The following ABCD3 variants were observed in gnomAD, a reference collection of about 807,000 sequenced individuals.
ABCD3 encodes the protein ATP-binding cassette sub-family D member 3.
ABCD3 carries 41 observed loss-of-function variants against 105.5 expected under a neutral mutation model. The observed-to-expected ratio is 0.39, with a 90% CI of 0.30 to 0.50. The LOEUF is 0.50. ABCD3 is among the 20% of genes least tolerant of loss of function. ABCD3 has a pLI of 0.84. For synonymous variants in ABCD3, 258 were observed against 269.0 expected, an observed-to-expected ratio of 0.96 and a Z score of 0.40; for missense variants, 622 against 806.3, an observed-to-expected ratio of 0.77 and a Z score of 2.77.
chr1:94,483,008 C>G, intron 9 of ABCD3, 162 bp from the exon 10 acceptor site: 1 of 628,442 alleles, frequency 1.6e-6, no homozygotes, highest in Non-Finnish European at 2.9e-6. Context: ...GAGCTAGGAA[C>G]AGAATCTCAG....
chr1:94,392,460 A>G, the ABCD3 span, among the ~76,000 whole-genome samples: 1 of 152,182 alleles, frequency 6.6e-6, no homozygotes, highest in African/African-American at 2.4e-5. Context: ...GTTGTTTATT[A>G]CTGCAGCACA....
chr1:94,500,418 G>A (rs1394055164), intron 20 of ABCD3, among the ~76,000 whole-genome samples: 2 of 152,056 alleles, frequency 1.3e-5, no homozygotes, highest in African/African-American at 4.8e-5. Flanking sequence ...TCCAGGCTGG[G>A]CGATAGAAGG....
chr1:94,478,256 C>T lies in ABCD3; in HGVS notation c.628-3C>T, dbSNP rs1570797341. 1.3e-6 allele frequency: 2 copies of T among 1,560,368 alleles called. No homozygotes were observed. The highest frequency in any genetic ancestry group is 8.8e-7 in the Non-Finnish European group (1 of 1,133,460). On this transcript the variant is annotated splice_region_variant and splice_polypyrimidine_tract_variant and intron_variant, in intron 7 of 22. Transcript: ENST00000370214. ...TCTGTGTATTCTAATATTTATTTTA[C>T]AGCCATTTTTAGACATAGTTTTGTA... is the stretch of plus-strand genomic sequence containing the variant.
At chr1:94,431,794 C>T (rs1270254674) in intron 1 of ABCD3, among the ~76,000 whole-genome samples, 1 of 152,108 alleles carries the variant, frequency 6.6e-6, no homozygotes, top group Non-Finnish European at 1.5e-5. Flanking sequence ...ACCACCATGC[C>T]TGGACTAAAA....
chr1:94,425,483 CT>C (rs1659434901), intron 1 of ABCD3, among the ~76,000 whole-genome samples: 2 of 152,142 alleles, frequency 1.3e-5, no homozygotes, highest in Non-Finnish European at 2.9e-5. Context: ...ATGGATTATA[CT>C]GGTGTATTTT....
chr1:94,465,175 C>T (rs1399143895), intron 3 of ABCD3, among the ~76,000 whole-genome samples: 1 of 152,122 alleles, frequency 6.6e-6, no homozygotes, highest in African/African-American at 2.4e-5. Flanking sequence ...AGGACAGCAC[C>T]ATGCCATGAG....
At chr1:94,489,618 A>G in intron 13 of ABCD3, 107 bp from the exon 14 acceptor site, 2 of 785,172 alleles carry the variant, frequency 2.5e-6, no homozygotes, top group African/African-American at 1.7e-5. Context: ...CTGTTAGGTT[A>G]CTTCATTTAT....
chr1:94,516,366 G>C (rs1310270086), intron 22 of ABCD3, among the ~76,000 whole-genome samples: 1 of 151,858 alleles, frequency 6.6e-6, no homozygotes, highest in Admixed American at 6.6e-5. Flanking sequence ...ATTATAACTT[G>C]TCAATTTTTC....
At chr1:94,411,754 A>G in the ABCD3 span, among the ~76,000 whole-genome samples, 21 of 152,340 alleles carry the variant, frequency 1.4e-4, 1 homozygote, top group East Asian at 3.9e-3. Flanking sequence ...AATGTGCATC[A>G]GCTGATGAAT....
chr1:94,439,687 T>A (rs541620293), intron 1 of ABCD3, among the ~76,000 whole-genome samples: 5 of 152,244 alleles, frequency 3.3e-5, no homozygotes, highest in Non-Finnish European at 7.3e-5. Flanking sequence ...TGTATATAAT[T>A]TGTATATTTA....
At chr1:94,493,796 G>A (rs1649656342) in intron 16 of ABCD3, among the ~76,000 whole-genome samples, 1 of 152,130 alleles carries the variant, frequency 6.6e-6, no homozygotes, top group Non-Finnish European at 1.5e-5. Context: ...CCTTTGTAGG[G>A]ACATGGATGA....
At chr1:94,458,757 T>C (rs1345690437) in intron 2 of ABCD3, 114 bp downstream of exon 2, 5 of 1,007,270 alleles carry the variant, frequency 5.0e-6, no homozygotes, top group African/African-American at 1.6e-5. Flanking sequence ...TTAAAAATAC[T>C]CCAGTCTTCT....
intron 3 of ABCD3, 118 bp from the exon 4 acceptor site, chr1:94,467,801 C>A: frequency 1.4e-6 from 1 of 696,770 alleles, no homozygotes; most frequent in Non-Finnish European, 2.6e-6. Context: ...TGTCAGCCAA[C>A]TATATTGAAA....
intron 10 of ABCD3, among the ~76,000 whole-genome samples, chr1:94,486,995 T>TTTA (rs1199580806): frequency 2.0e-5 from 3 of 152,310 alleles, no homozygotes; most frequent in African/African-American, 7.2e-5. Context: ...TTTAGACTTG[T>TTTA]AGTTTTAAGA....
chr1:94,483,861 A>G (rs1649150922), intron 10 of ABCD3, among the ~76,000 whole-genome samples: 1 of 152,228 alleles, frequency 6.6e-6, no homozygotes, highest in Non-Finnish European at 1.5e-5. Flanking sequence ...CAGGCAACCT[A>G]CAGAATGGGA....
the ABCD3 span, among the ~76,000 whole-genome samples, chr1:94,394,953 A>G: frequency 6.6e-6 from 1 of 152,196 alleles, no homozygotes; most frequent in African/African-American, 2.4e-5. Context: ...TGCAGTAGAT[A>G]CTTTCTGATT....
chr1:94,428,482 AT>A (rs1227836950), intron 1 of ABCD3, among the ~76,000 whole-genome samples: 1 of 152,236 alleles, frequency 6.6e-6, no homozygotes, highest in East Asian at 1.9e-4. Flanking sequence ...TTTTAAAAAT[AT>A]TTATACAGCT....
At chr1:94,419,789 T>G (rs1436953603) in intron 1 of ABCD3, among the ~76,000 whole-genome samples, 1 of 152,188 alleles carries the variant, frequency 6.6e-6, no homozygotes, top group Non-Finnish European at 1.5e-5. Flanking sequence ...CCTTCCTAAA[T>G]CCATTTAACA....
At chr1:94,477,252 A>G (rs1648797161) in intron 7 of ABCD3, among the ~76,000 whole-genome samples, 1 of 149,956 alleles carries the variant, frequency 6.7e-6, no homozygotes, top group Non-Finnish European at 1.5e-5. Context: ...AAAAAAAAAA[A>G]AAAGGAAAGG....
Sources: allele counts gnomAD v4.1 joint callset (sites outside exome capture counted in the v4.1 genomes callset), GRCh38; gene constraint gnomAD v4.1.1; transcripts MANE v1.5; gene names NCBI Gene and HGNC (gene_info 2026-07-23, HGNC 2026-07-21).